The following HMGA2 variants were observed in gnomAD, a reference collection of about 807,000 sequenced individuals.
HMGA2 encodes high mobility group AT-hook 2.
In HMGA2, 8 loss-of-function variants were observed where a neutral mutation model predicts 19.1. That is an observed-to-expected ratio of 0.42 (90% CI 0.25 to 0.76). HMGA2 has a LOEUF of 0.76. Ranked by LOEUF, HMGA2 falls within the 30% of genes least tolerant of loss-of-function variation. The pLI, the probability that HMGA2 is intolerant of heterozygous loss-of-function variation, is 0.28. For missense variants in HMGA2, 109 were observed against 136.3 expected, an observed-to-expected ratio of 0.80 and a Z score of 1.00; for synonymous variants, 60 against 48.8, an observed-to-expected ratio of 1.23 and a Z score of -0.96.
intron 3 of HMGA2, among the ~76,000 whole-genome samples, chr12:65,869,793 G>A (rs1028084070): frequency 1.3e-4 from 20 of 152,134 alleles, no homozygotes; most frequent in African/African-American, 4.8e-4. Context: ...ATTGACAGTT[G>A]TATAAATGAA....
At chr12:65,923,907 G>T (rs558923046) in intron 3 of HMGA2, among the ~76,000 whole-genome samples, 1 of 152,294 alleles carries the variant, frequency 6.6e-6, no homozygotes, top group Admixed American at 6.5e-5. Context: ...CTACTCGGGG[G>T]CTGAGGTAAG....
chr12:65,905,991 C>A (rs1426054834), intron 3 of HMGA2, among the ~76,000 whole-genome samples: 2 of 151,952 alleles, frequency 1.3e-5, no homozygotes, highest in East Asian at 3.9e-4. Context: ...TTCTAAGTAA[C>A]CAGATTAGAT....
intron 3 of HMGA2, among the ~76,000 whole-genome samples, chr12:65,919,657 C>T (rs74097830): frequency 3.2e-4 from 49 of 152,318 alleles, no homozygotes; most frequent in African/African-American, 8.4e-4. Context: ...ATAGCATGTT[C>T]TATTACTTGC....
intron 3 of HMGA2, among the ~76,000 whole-genome samples, chr12:65,932,987 C>T (rs1875769453): frequency 6.6e-6 from 1 of 152,168 alleles, no homozygotes; most frequent in South Asian, 2.1e-4. Flanking sequence ...ACCACAGACA[C>T]CAACTTGTTT....
In HMGA2 at chr12:65,964,302, G is replaced by T. The variant is rs971874249; in HGVS notation, c.*1010G>T. The stretch of plus-strand genomic sequence containing the variant: ...AATTTAAAAAGCAAAAAAAAAAAAG[G>T]GGGGGGCAATCTCTCTCTGTGTCTT... On this transcript the variant is annotated 3_prime_UTR_variant, in exon 5 of 5. Coordinates refer to ENST00000403681, the MANE Select transcript of HMGA2 (RefSeq NM_003483.6). 7.3e-5 allele frequency: 12 copies of T among 164,906 alleles called. No individual in the cohort carries two copies. The highest frequency in any genetic ancestry group is 1.5e-4 in the Non-Finnish European group (12 of 82,438). 10.2% of individuals were successfully genotyped at this position (164,906 alleles called of 1,614,324 possible).
chr12:65,888,053 C>T (rs912676010), intron 3 of HMGA2, among the ~76,000 whole-genome samples: 1 of 152,110 alleles, frequency 6.6e-6, no homozygotes, highest in African/African-American at 2.4e-5. Context: ...CACACACAAA[C>T]CCCCTAGCCA....
intron 3 of HMGA2, among the ~76,000 whole-genome samples, chr12:65,849,908 AG>A (rs1871390098): frequency 6.6e-6 from 1 of 151,814 alleles, no homozygotes; most frequent in East Asian, 1.9e-4. Flanking sequence ...TAGTAGAGAC[AG>A]GGTTTCACCA....
At chr12:65,864,306 G>T (rs1400458076) in intron 3 of HMGA2, among the ~76,000 whole-genome samples, 1 of 152,180 alleles carries the variant, frequency 6.6e-6, no homozygotes, top group Admixed American at 6.5e-5. Flanking sequence ...ACTTAAGCAA[G>T]TGATTTTAAG....
chr12:65,924,680 C>T (rs1036977149), intron 3 of HMGA2, among the ~76,000 whole-genome samples: 3 of 152,142 alleles, frequency 2.0e-5, no homozygotes, highest in Non-Finnish European at 4.4e-5. Flanking sequence ...TGCCTGTAGT[C>T]CCACCTACTC....
chr12:65,898,409 A>G (rs1490749516), intron 3 of HMGA2, among the ~76,000 whole-genome samples: 1 of 152,206 alleles, frequency 6.6e-6, no homozygotes, highest in Admixed American at 6.5e-5. Context: ...GCAACTTGAA[A>G]GGTGGAGCTT....
At chr12:65,875,080 G>T (rs1179136393) in intron 3 of HMGA2, among the ~76,000 whole-genome samples, 1 of 150,970 alleles carries the variant, frequency 6.6e-6, no homozygotes, top group Non-Finnish European at 1.5e-5. Flanking sequence ...TTTAATCACA[G>T]ATGTAAAAAT....
chr12:65,913,565 G>T (rs1372238703), intron 3 of HMGA2, among the ~76,000 whole-genome samples: 1 of 152,298 alleles, frequency 6.6e-6, no homozygotes, highest in Non-Finnish European at 1.5e-5. Context: ...TATCAAGCAT[G>T]AGTTATAGAA....
Position 65,964,675 on chromosome 12 carries a change from A to G in HMGA2, c.*1383A>G. ...ATCTGCAGTTCTTTTTGTACACTTAATTACAGTTAAAGAAGCAATCTCCTT... is the reference window on the plus strand; with the variant it reads ...ATCTGCAGTTCTTTTTGTACACTTAGTTACAGTTAAAGAAGCAATCTCCTT... On this transcript the variant is annotated 3_prime_UTR_variant, in exon 5 of 5. Coordinates refer to ENST00000403681, the MANE Select transcript of HMGA2 (RefSeq NM_003483.6). 1 of 206,644 alleles carries G rather than the reference A, an allele frequency of 4.8e-6. No individual in the cohort carries two copies. 12.8% of individuals were successfully genotyped at this position (206,644 alleles called of 1,614,324 possible).
intron 3 of HMGA2, among the ~76,000 whole-genome samples, chr12:65,886,965 C>T (rs1873684558): frequency 6.6e-6 from 1 of 152,308 alleles, no homozygotes; most frequent in Admixed American, 6.5e-5. Context: ...ACTTGAACTA[C>T]AGGTTATGAA....
chr12:65,842,500 G>A, intron 3 of HMGA2: 1 of 994,544 alleles, frequency 1.0e-6, no homozygotes, highest in South Asian at 1.4e-5. Context: ...GTATCATTAT[G>A]TCCTCAATAT....
Position 65,860,167 on chromosome 12 carries a change from C to T in HMGA2, c.249+21598C>T, listed in dbSNP as rs1200619575. On this transcript the variant is annotated intron_variant, in intron 3 of 4. Coordinates refer to ENST00000403681, the MANE Select transcript of HMGA2 (RefSeq NM_003483.6). The stretch of plus-strand genomic sequence containing the variant: ...CACCTACTGAACATCCTAGCTTCGC[C>T]TAGCCTACCTTAAATATGCTCAGAA... 5.8e-5 allele frequency: 19 copies of T among 326,212 alleles called. 1 individual carries two copies. Among genetic ancestry groups the T allele is most frequent in the South Asian group, 3.9e-4 (16 of 41,370 alleles). The allele number at this position is 326,212 out of a possible 1,614,324, so 20.2% of individuals were successfully genotyped here.
chr12:65,920,098 T>C (rs1875249592), intron 3 of HMGA2, among the ~76,000 whole-genome samples: 2 of 152,230 alleles, frequency 1.3e-5, no homozygotes, highest in Admixed American at 1.3e-4. Context: ...TGAGTTTACA[T>C]AGTAACTCTT....
intron 3 of HMGA2, among the ~76,000 whole-genome samples, chr12:65,844,894 T>C (rs534397358): frequency 1.3e-5 from 2 of 152,282 alleles, no homozygotes; most frequent in South Asian, 4.2e-4. Context: ...ATATCTTATT[T>C]CTCCATATGC....
intron 4 of HMGA2, chr12:65,952,588 C>A: frequency 9.2e-7 from 1 of 1,091,824 alleles, no homozygotes; most frequent in Non-Finnish European, 1.2e-6. Flanking sequence ...GAGAGGGGTG[C>A]TAAAAAAAAC....
Sources: gnomAD v4.1 joint callset for allele counts (sites outside exome capture counted in the v4.1 genomes callset) on GRCh38, gnomAD v4.1.1 for gene constraint, MANE v1.5 for transcripts, NCBI Gene and HGNC (gene_info 2026-07-23, HGNC 2026-07-21) for gene names.